CEP83: variants seen among roughly 807,000 people sequenced by gnomAD.
The protein encoded by CEP83 is centrosomal protein 83.
A neutral mutation model predicts 101.9 loss-of-function variants in CEP83; 70 were observed. The observed-to-expected ratio is 0.69, with a 90% CI of 0.57 to 0.84. CEP83 has a LOEUF of 0.84. CEP83 is among the 40% of genes least tolerant of loss of function. CEP83 has a pLI of 0.00. For missense variants in CEP83, 715 were observed against 787.2 expected (o/e 0.91, Z 1.10); for synonymous variants, 264 against 267.9 (o/e 0.99, Z 0.14).
intron 11 of CEP83, among the ~76,000 whole-genome samples, chr12:94,337,040 C>A (rs533257625): frequency 1.7e-4 from 26 of 152,184 alleles, no homozygotes; most frequent in Middle Eastern, 3.4e-3. Flanking sequence ...AGCTCAGGTC[C>A]ACAGTTAGAA....
At chr12:94,376,366 T>A (rs898760902) in intron 7 of CEP83, among the ~76,000 whole-genome samples, 1 of 152,076 alleles carries the variant, frequency 6.6e-6, no homozygotes, top group Non-Finnish European at 1.5e-5. Flanking sequence ...TTCCAGTCTA[T>A]AACAGATAAG....
the CEP83 span, among the ~76,000 whole-genome samples, chr12:94,301,392 T>TA: frequency 2.0e-5 from 3 of 152,228 alleles, no homozygotes; most frequent in African/African-American, 7.2e-5. Context: ...GAAATTTGCC[T>TA]AAATCAATTC....
intron 1 of CEP83, among the ~76,000 whole-genome samples, chr12:94,447,593 T>C (rs1374231508): frequency 6.6e-6 from 1 of 152,152 alleles, no homozygotes; most frequent in Non-Finnish European, 1.5e-5. Context: ...AAAAATATAA[T>C]TATTTTCACT....
intron 1 of CEP83, among the ~76,000 whole-genome samples, chr12:94,456,047 CAAAA>C (rs56804581): frequency 7.8e-6 from 1 of 128,312 alleles, no homozygotes; most frequent in African/African-American, 2.9e-5. Context: ...AACTCCATCT[CAAAA>C]AAAAAAAAAA....
chr12:94,384,485 A>G (rs1274699334), intron 6 of CEP83, among the ~76,000 whole-genome samples: 1 of 152,116 alleles, frequency 6.6e-6, no homozygotes, highest in Non-Finnish European at 1.5e-5. Flanking sequence ...TATTTCTTCC[A>G]TTACCTTCTC....
At chr12:94,407,674 C>A (rs2063625375) in intron 4 of CEP83, among the ~76,000 whole-genome samples, 1 of 152,140 alleles carries the variant, frequency 6.6e-6, no homozygotes, top group Non-Finnish European at 1.5e-5. Context: ...ATAATAAATT[C>A]TCTCTTCCTC....
intron 6 of CEP83, among the ~76,000 whole-genome samples, chr12:94,399,756 GC>G (rs2063140309): frequency 6.6e-6 from 1 of 152,102 alleles, no homozygotes; most frequent in Admixed American, 6.5e-5. Flanking sequence ...AGACAGTCTA[GC>G]CCCATCTCAC....
Position 94,308,928 on chromosome 12 carries a change from T to C in CEP83, c.2002-11A>G. On this transcript the variant is annotated splice_polypyrimidine_tract_variant and intron_variant, in intron 16 of 16. Transcript: ENST00000397809. ...TTGATGTTGTTCCTCCTTAAAATGA[T>C]GTAGAGAAAGCATAGCAAAAGAAAC... The C allele has an allele frequency of 3.2e-6, 5 of 1,578,446 alleles. No homozygotes were observed. Among genetic ancestry groups the C allele is most frequent in the Non-Finnish European group, 4.4e-6 (5 of 1,148,250 alleles).
the CEP83 span, chr12:94,279,727 C>A: frequency 6.5e-6 from 8 of 1,226,576 alleles, 1 homozygote; most frequent in South Asian, 8.7e-5. Flanking sequence ...CCTGTCCCCC[C>A]TCCCTGCCCC....
intron 14 of CEP83, among the ~76,000 whole-genome samples, chr12:94,323,216 C>T (rs1174082417): frequency 2.0e-5 from 3 of 152,106 alleles, no homozygotes; most frequent in African/African-American, 7.2e-5. Flanking sequence ...AGGGGTCTAA[C>T]GTCCTGCTTG....
intron 6 of CEP83, among the ~76,000 whole-genome samples, chr12:94,383,761 T>TAA (rs1191406306): frequency 6.6e-6 from 1 of 152,132 alleles, no homozygotes; most frequent in Non-Finnish European, 1.5e-5. Flanking sequence ...GTTTTAAATG[T>TAA]ATCTCCTTGT....
Position 94,378,961 on chromosome 12 carries a change from C to T in CEP83, c.631G>A (p.Glu211Lys). 4 of 1,613,966 alleles carry T rather than the reference C, an allele frequency of 2.5e-6. No homozygotes were observed. The highest frequency in any genetic ancestry group is 3.4e-6 in the Non-Finnish European group (4 of 1,179,952). The change falls in exon 7 of 17, where the codon GAA becomes AAA. Residue 211 changes from glutamate to lysine, a missense_variant. By Grantham distance (56) the Glu-to-Lys change is moderately conservative. Coordinates refer to ENST00000397809, the MANE Select transcript of CEP83 (RefSeq NM_016122.3). ...VDLTKDSKRV[E>K]QLAREKVYLC... ...TAGACTTTTTCTCGAGCAAGTTGTT[C>T]CACTCGTTTGCTGTCTTTTGTGAGA...
chr12:94,400,385 CAA>C (rs1165730264), intron 6 of CEP83, among the ~76,000 whole-genome samples: 10 of 152,126 alleles, frequency 6.6e-5, no homozygotes, highest in Middle Eastern at 3.2e-3. Flanking sequence ...CAGAAAAAAA[CAA>C]AGTCTATTTC....
At chr12:94,419,893 A>C (rs1197710796) in intron 2 of CEP83, among the ~76,000 whole-genome samples, 2 of 152,216 alleles carry the variant, frequency 1.3e-5, no homozygotes, top group African/African-American at 4.8e-5. Flanking sequence ...CAAAGTTGCC[A>C]CAATATAGGA....
rs137892705 is a variant in CEP83, at chr12:94,379,498, G to T, written c.550-456C>A. 2.6e-3 allele frequency among the ~76,000 whole-genome samples: 389 copies of T among 152,246 alleles called. 2 individuals are homozygous for T. Among genetic ancestry groups the T allele is most frequent in the African/African-American group, 9.1e-3 (378 of 41,562 alleles). On this transcript the variant is annotated intron_variant, in intron 6 of 16. Transcript: ENST00000397809. The stretch of plus-strand genomic sequence containing the variant: ...ATTCACACAAAAACTGCCTGTCTGT[G>T]TACATAAAAGCAAATGTGATTGATG...
intron 2 of CEP83, among the ~76,000 whole-genome samples, chr12:94,423,070 C>T (rs1191869930): frequency 6.6e-6 from 1 of 152,026 alleles, no homozygotes; most frequent in Non-Finnish European, 1.5e-5. Flanking sequence ...TCTATTCCAA[C>T]CAAAAACATA....
the CEP83 span, among the ~76,000 whole-genome samples, chr12:94,299,318 C>T: frequency 2.0e-5 from 3 of 152,104 alleles, no homozygotes; most frequent in South Asian, 6.2e-4. Flanking sequence ...ATTTTGCCTC[C>T]TCAGTAAAGA....
intron 6 of CEP83, among the ~76,000 whole-genome samples, chr12:94,393,429 T>A (rs1275905832): frequency 6.6e-6 from 1 of 152,208 alleles, no homozygotes; most frequent in Non-Finnish European, 1.5e-5. Flanking sequence ...TCAACAGAAC[T>A]TCATGCTAAA....
At chr12:94,338,063 A>T (rs1270319372) in intron 11 of CEP83, among the ~76,000 whole-genome samples, 1 of 152,190 alleles carries the variant, frequency 6.6e-6, no homozygotes, top group African/African-American at 2.4e-5. Flanking sequence ...AGGAGCATGG[A>T]TAAGAGAAAG....
Sources: allele counts gnomAD v4.1 joint callset (sites outside exome capture counted in the v4.1 genomes callset), GRCh38; gene constraint gnomAD v4.1.1; transcripts MANE v1.5; gene names NCBI Gene and HGNC (gene_info 2026-07-23, HGNC 2026-07-21).